The following SERPINI1 variants were observed in gnomAD, a reference collection of about 807,000 sequenced individuals.
SERPINI1 encodes the protein serpin family I member 1.
In SERPINI1, 19 loss-of-function variants were observed where a neutral mutation model predicts 41.1. That is an observed-to-expected ratio of 0.46 (90% CI 0.32 to 0.68). The LOEUF (loss-of-function observed/expected upper bound fraction) is 0.68. Among genes scored for constraint, SERPINI1 ranks in the 30% least tolerant of loss-of-function variants. The pLI is 0.03. For missense variants in SERPINI1, 460 were observed against 479.2 expected (o/e 0.96, Z 0.37); for synonymous variants, 138 against 156.6 (o/e 0.88, Z 0.89).
At chr3:167,768,624 T>G in intron 1 of SERPINI1, among the ~76,000 whole-genome samples, 1 of 152,250 alleles carries the variant, frequency 6.6e-6, no homozygotes, top group East Asian at 1.9e-4. Flanking sequence ...GTTGTTCTTC[T>G]GTGTATCTGA....
At chr3:167,818,872 A>G (rs1047789296) in intron 6 of SERPINI1, among the ~76,000 whole-genome samples, 3 of 152,172 alleles carry the variant, frequency 2.0e-5, no homozygotes, top group Non-Finnish European at 4.4e-5. Flanking sequence ...GCAATTTCCT[A>G]TGTGCAAATT....
At chr3:167,742,143 T>G (rs1260689242) in intron 1 of SERPINI1, among the ~76,000 whole-genome samples, 1 of 152,106 alleles carries the variant, frequency 6.6e-6, no homozygotes, top group African/African-American at 2.4e-5. Flanking sequence ...TATTTGTTAA[T>G]ATAATAGCAG....
chr3:167,775,439 T>C (rs1316026906), intron 1 of SERPINI1, among the ~76,000 whole-genome samples: 2 of 151,740 alleles, frequency 1.3e-5, no homozygotes, highest in African/African-American at 4.8e-5. Context: ...TTTGTATTTT[T>C]AGTAGAGATG....
intron 5 of SERPINI1, among the ~76,000 whole-genome samples, chr3:167,796,659 C>T (rs989792114): frequency 3.9e-5 from 6 of 152,192 alleles, no homozygotes; most frequent in Admixed American, 1.3e-4. Context: ...CTCCCAGCTC[C>T]ATCCATGTCC....
At chr3:167,736,668 A>T (rs1725457885) in intron 1 of SERPINI1, among the ~76,000 whole-genome samples, 1 of 152,204 alleles carries the variant, frequency 6.6e-6, no homozygotes, top group East Asian at 1.9e-4. Flanking sequence ...TAGTGGGTTC[A>T]GTTTAAAACA....
At chr3:167,780,467 A>G (rs1727086053) in intron 1 of SERPINI1, among the ~76,000 whole-genome samples, 1 of 152,160 alleles carries the variant, frequency 6.6e-6, no homozygotes, top group Non-Finnish European at 1.5e-5. Flanking sequence ...CCTAGCTTTG[A>G]AAACACTGTG....
At chr3:167,761,082 C>T (rs1346800604) in intron 1 of SERPINI1, among the ~76,000 whole-genome samples, 1 of 152,186 alleles carries the variant, frequency 6.6e-6, no homozygotes, top group South Asian at 2.1e-4. Flanking sequence ...ATATGGTTTA[C>T]TCACGTGTGA....
chr3:167,746,270 C>G (rs555663620), intron 1 of SERPINI1, among the ~76,000 whole-genome samples: 2 of 152,110 alleles, frequency 1.3e-5, no homozygotes, highest in Non-Finnish European at 2.9e-5. Context: ...ACACCATATA[C>G]AGAAGTGTTA....
chr3:167,744,006 G>A (rs1004454493), intron 1 of SERPINI1, among the ~76,000 whole-genome samples: 4 of 151,942 alleles, frequency 2.6e-5, no homozygotes, highest in East Asian at 1.9e-4. Context: ...CTGCCTTCTC[G>A]GTACAACAGC....
At chr3:167,765,050 G>C (rs1726514423) in intron 1 of SERPINI1, among the ~76,000 whole-genome samples, 1 of 152,146 alleles carries the variant, frequency 6.6e-6, no homozygotes, top group Admixed American at 6.5e-5. Flanking sequence ...AGCTAGCATT[G>C]AGTGTCTGTG....
chr3:167,816,371 A>G (rs1481713415), intron 6 of SERPINI1, among the ~76,000 whole-genome samples: 1 of 152,210 alleles, frequency 6.6e-6, no homozygotes, highest in African/African-American at 2.4e-5. Context: ...CTTTATAACC[A>G]TAATTATGAA....
intron 1 of SERPINI1, among the ~76,000 whole-genome samples, chr3:167,750,202 T>C (rs1277279096): frequency 6.6e-6 from 1 of 152,176 alleles, no homozygotes; most frequent in Non-Finnish European, 1.5e-5. Context: ...AGCTTTGCTT[T>C]TTTTTCTGGA....
chr3:167,756,089 A>G (rs909660023), intron 1 of SERPINI1, among the ~76,000 whole-genome samples: 1 of 151,884 alleles, frequency 6.6e-6, no homozygotes, highest in African/African-American at 2.4e-5. Flanking sequence ...CTGCCCACGA[A>G]TGATCAAAGG....
intron 1 of SERPINI1, among the ~76,000 whole-genome samples, chr3:167,777,754 T>G (rs1432521169): frequency 2.0e-5 from 3 of 152,228 alleles, no homozygotes; most frequent in African/African-American, 7.2e-5. Flanking sequence ...TTCCAAACGT[T>G]TCCAGGGCTA....
chr3:167,779,201 T>G (rs1727044238), intron 1 of SERPINI1, among the ~76,000 whole-genome samples: 1 of 152,224 alleles, frequency 6.6e-6, no homozygotes, highest in African/African-American at 2.4e-5. Context: ...ATTTCTAGCT[T>G]AAAAATTTTT....
intron 5 of SERPINI1, among the ~76,000 whole-genome samples, chr3:167,797,871 T>C (rs1727767497): frequency 6.6e-6 from 1 of 152,120 alleles, no homozygotes; most frequent in Non-Finnish European, 1.5e-5. Context: ...AGGCCTAAAG[T>C]TATAAAACAT....
chr3:167,803,428 T>G (rs201035139), intron 5 of SERPINI1, among the ~76,000 whole-genome samples: 1 of 152,132 alleles, frequency 6.6e-6, no homozygotes, highest in South Asian at 2.1e-4. Flanking sequence ...ACATCTATAA[T>G]AATGTGACAT....
At chr3:167,745,551 A>G (rs144614566) in intron 1 of SERPINI1, among the ~76,000 whole-genome samples, 168 of 152,138 alleles carry the variant, frequency 1.1e-3, no homozygotes, top group African/African-American at 4.0e-3. Context: ...TCAACACTGT[A>G]TTGAAGGTTC....
chr3:167,767,023 G>A (rs1045383747), intron 1 of SERPINI1, among the ~76,000 whole-genome samples: 11 of 152,306 alleles, frequency 7.2e-5, no homozygotes, highest in South Asian at 2.1e-4. Flanking sequence ...TTTCACTGTC[G>A]ATGAAACACC....
Sources: gnomAD v4.1 joint callset for allele counts (sites outside exome capture counted in the v4.1 genomes callset) on GRCh38, gnomAD v4.1.1 for gene constraint, MANE v1.5 for transcripts, NCBI Gene and HGNC (gene_info 2026-07-23, HGNC 2026-07-21) for gene names.